The following NAALADL2 variants were observed in gnomAD, a reference collection of about 807,000 sequenced individuals.
NAALADL2 encodes inactive N-acetylated-alpha-linked acidic dipeptidase-like protein 2.
Under a neutral mutation model 87.2 loss-of-function variants are expected in NAALADL2, and 76 were observed. The ratio of observed to expected loss-of-function variants is 0.87; its 90% CI spans 0.72 to 1.05. The LOEUF is 1.05. NAALADL2 is among the 50% of genes least tolerant of loss of function. The probability of loss-of-function intolerance (pLI) is 0.00; values close to 1 mark genes in which losing one functional copy is unlikely to be tolerated. For synonymous variants in NAALADL2, 354 were observed against 331.0 expected, an observed-to-expected ratio of 1.07 and a Z score of -0.75; for missense variants, 1,089 against 945.8, an observed-to-expected ratio of 1.15 and a Z score of -1.99.
rs139809783 is a variant in NAALADL2, at chr3:175,302,848, ATGTGTGTG to A, written c.940-21313_940-21306del. On this transcript the variant is annotated intron_variant, in intron 4 of 13. Transcript: ENST00000454872. ...AACGTGTGTGTATATATGTGTGTGT[ATGTGTGTG>A]TGTGTGTGTGTGTATATTTTTTCAT... is the stretch of plus-strand genomic sequence containing the variant. Among the ~76,000 whole-genome samples, 912 of 148,910 alleles carry A rather than the reference ATGTGTGTG, an allele frequency of 6.1e-3. 9 individuals are homozygous for A. Among genetic ancestry groups the A allele is most frequent in the African/African-American group, 0.021 (852 of 40,706 alleles).
chr3:174,714,980 C>T (rs1252346293), intron 2 of NAALADL2, among the ~76,000 whole-genome samples: 1 of 152,098 alleles, frequency 6.6e-6, no homozygotes, highest in Admixed American at 6.6e-5. Flanking sequence ...CCATCAATAC[C>T]TAATTTATGG....
intron 5 of NAALADL2, among the ~76,000 whole-genome samples, chr3:175,331,593 T>C (rs762348639): frequency 6.6e-6 from 1 of 152,134 alleles, no homozygotes; most frequent in Non-Finnish European, 1.5e-5. Flanking sequence ...CAAAGTAGGA[T>C]GAAAAGGAAT....
chr3:175,781,921 G>A (rs893301000), intron 13 of NAALADL2, among the ~76,000 whole-genome samples: 2 of 132,230 alleles, frequency 1.5e-5, no homozygotes, highest in Non-Finnish European at 3.1e-5. Flanking sequence ...TGATCTCATT[G>A]TTCAATTCCC....
At chr3:175,719,526 G>A (rs534716788) in intron 11 of NAALADL2, among the ~76,000 whole-genome samples, 1 of 152,034 alleles carries the variant, frequency 6.6e-6, no homozygotes, top group Non-Finnish European at 1.5e-5. Flanking sequence ...TGAAATAACC[G>A]TTATGCATGA....
At chr3:174,967,589 A>G (rs1475290799) in intron 1 of NAALADL2, among the ~76,000 whole-genome samples, 1 of 151,986 alleles carries the variant, frequency 6.6e-6, no homozygotes, top group Non-Finnish European at 1.5e-5. Context: ...TTTTGTTCTC[A>G]TTTTCTTGCT....
At chr3:175,474,392 A>C (rs10154860) in intron 9 of NAALADL2, among the ~76,000 whole-genome samples, 77,432 of 151,986 alleles carry the variant, frequency 0.51, 21,606 homozygotes, top group East Asian at 0.64. Context: ...AAAACTATAA[A>C]ATGGATGTCC....
chr3:174,757,648 C>T (rs916399151), intron 3 of NAALADL2, among the ~76,000 whole-genome samples: 9 of 152,006 alleles, frequency 5.9e-5, no homozygotes, highest in Non-Finnish European at 8.8e-5. Flanking sequence ...CGCACCACCA[C>T]GCCCAGCTAA....
intron 2 of NAALADL2, among the ~76,000 whole-genome samples, chr3:175,173,794 T>C (rs986267904): frequency 3.3e-5 from 5 of 152,222 alleles, no homozygotes; most frequent in Admixed American, 2.6e-4. Flanking sequence ...TCTTCCATGC[T>C]CTCAGCATAG....
chr3:175,740,344 C>T (rs1326750555), intron 12 of NAALADL2, among the ~76,000 whole-genome samples: 2 of 151,980 alleles, frequency 1.3e-5, no homozygotes, highest in Non-Finnish European at 2.9e-5. Context: ...AGAAGGCATC[C>T]GAAAGAAAAT....
At position 175,199,480 on chromosome 3, in the gene NAALADL2, G is replaced by A. The variant is rs142913037; in HGVS notation, c.546-34451G>A. Among the ~76,000 whole-genome samples, 120 of 152,070 alleles carry A rather than the reference G, an allele frequency of 7.9e-4. 1 individual carries two copies. The highest frequency in any genetic ancestry group is 2.8e-3 in the African/African-American group (117 of 41,512). ...TACATATAATATGTAAATAATGTTT[G>A]CAGGCATCCAAGGGATGAGACTGTG... On this transcript the variant is annotated intron_variant, in intron 2 of 13. Coordinates refer to ENST00000454872, the MANE Select transcript of NAALADL2 (RefSeq NM_207015.3).
chr3:174,836,225 A>C (rs1579132854), intron 3 of NAALADL2, among the ~76,000 whole-genome samples: 1 of 152,198 alleles, frequency 6.6e-6, no homozygotes, highest in Admixed American at 6.5e-5. Flanking sequence ...AAGTGAAATA[A>C]GCTAGTCGCA....
intron 11 of NAALADL2, among the ~76,000 whole-genome samples, chr3:175,734,041 A>G (rs1344451181): frequency 6.6e-6 from 1 of 152,094 alleles, no homozygotes; most frequent in East Asian, 1.9e-4. Flanking sequence ...TGGCTTTTTC[A>G]GGTATGCAGT....
At chr3:175,261,108 C>T (rs1750947662) in intron 4 of NAALADL2, among the ~76,000 whole-genome samples, 1 of 152,048 alleles carries the variant, frequency 6.6e-6, no homozygotes, top group South Asian at 2.1e-4. Flanking sequence ...TTCATTTTAG[C>T]TACGTATTTA....
At chr3:175,000,911 C>G (rs1748139371) in intron 1 of NAALADL2, among the ~76,000 whole-genome samples, 1 of 152,182 alleles carries the variant, frequency 6.6e-6, no homozygotes, top group Non-Finnish European at 1.5e-5. Context: ...GACTGCACAG[C>G]TAGCAGAAGA....
At chr3:174,970,870 A>G (rs763157765) in intron 1 of NAALADL2, among the ~76,000 whole-genome samples, 4 of 152,216 alleles carry the variant, frequency 2.6e-5, no homozygotes, top group Non-Finnish European at 5.9e-5. Context: ...TTGAAATTAT[A>G]CATATCAGCA....
intron 10 of NAALADL2, among the ~76,000 whole-genome samples, chr3:175,598,569 A>G (rs1357705205): frequency 6.6e-6 from 1 of 152,138 alleles, no homozygotes; most frequent in Non-Finnish European, 1.5e-5. Context: ...GGATGATAAG[A>G]CTAAGACAGT....
At chr3:174,499,215 A>C (rs901189580) in intron 1 of NAALADL2, among the ~76,000 whole-genome samples, 1 of 152,032 alleles carries the variant, frequency 6.6e-6, no homozygotes, top group African/African-American at 2.4e-5. Flanking sequence ...ATCTTCTTTG[A>C]TGAAATGTCT....
At chr3:175,524,970 G>A (rs749065635) in intron 9 of NAALADL2, among the ~76,000 whole-genome samples, 14 of 152,070 alleles carry the variant, frequency 9.2e-5, no homozygotes, top group Non-Finnish European at 1.6e-4. Flanking sequence ...CTTGTGTATG[G>A]CAGCAAAAAG....
At chr3:174,688,906 G>T (rs545052138) in intron 2 of NAALADL2, among the ~76,000 whole-genome samples, 3 of 151,804 alleles carry the variant, frequency 2.0e-5, no homozygotes, top group Admixed American at 6.6e-5. Context: ...ATTAATTTTG[G>T]AGTTTGAATA....
Sources: allele counts gnomAD v4.1 joint callset (sites outside exome capture counted in the v4.1 genomes callset), GRCh38; gene constraint gnomAD v4.1.1; transcripts MANE v1.5; gene names NCBI Gene and HGNC (gene_info 2026-07-23, HGNC 2026-07-21).